PABPC1: variants seen among roughly 807,000 people sequenced by gnomAD.
The protein encoded by PABPC1 is poly(A) binding protein cytoplasmic 1.
Under a neutral mutation model 74.0 loss-of-function variants are expected in PABPC1, and 4 were observed. The ratio of observed to expected loss-of-function variants is 0.05; its 90% CI spans 0.03 to 0.12. The LOEUF (loss-of-function observed/expected upper bound fraction) is 0.12. Among genes scored for constraint, PABPC1 ranks in the 10% least tolerant of loss-of-function variants. The pLI, the probability that PABPC1 is intolerant of heterozygous loss-of-function variation, is 1.00. For missense variants in PABPC1, 271 were observed against 821.1 expected, an observed-to-expected ratio of 0.33 and a Z score of 8.19; for synonymous variants, 227 against 264.1, an observed-to-expected ratio of 0.86 and a Z score of 1.36.
intron 4 of PABPC1, 74 bp from the exon 5 acceptor site, chr8:100,713,255 C>CAA (rs1810576824): frequency 1.0e-5 from 9 of 876,416 alleles, no homozygotes; most frequent in African/African-American, 8.7e-5. Context: ...TTTCAACATA[C>CAA]AAAGCCATGA....
At chr8:100,714,124 G>C (rs946487222) in intron 4 of PABPC1, among the ~76,000 whole-genome samples, 21 of 152,332 alleles carry the variant, frequency 1.4e-4, no homozygotes, top group African/African-American at 5.1e-4. Flanking sequence ...GGCCAAGGCA[G>C]ATTTTCTTCT....
chr8:100,713,302 C>T (rs1017040500), intron 4 of PABPC1, 121 bp from the exon 5 acceptor site: 9 of 536,398 alleles, frequency 1.7e-5, no homozygotes, highest in Non-Finnish European at 2.6e-5. Context: ...ACTCCTCCCT[C>T]CCAGCCTTCT....
intron 3 of PABPC1, among the ~76,000 whole-genome samples, chr8:100,716,412 GAAC>G (rs928552310): frequency 4.6e-5 from 7 of 151,962 alleles, no homozygotes; most frequent in African/African-American, 1.4e-4. Flanking sequence ...AATATAAAAA[GAAC>G]AACGATCACT....
At chr8:100,710,597 T>C (rs1173436133) in intron 7 of PABPC1, among the ~76,000 whole-genome samples, 3 of 152,166 alleles carry the variant, frequency 2.0e-5, no homozygotes, top group Non-Finnish European at 4.4e-5. Flanking sequence ...AATCTGAACA[T>C]AGAATGTAGA....
At chr8:100,712,265 C>G in intron 7 of PABPC1, 97 bp downstream of exon 7, 1 of 678,936 alleles carries the variant, frequency 1.5e-6, no homozygotes, top group Non-Finnish European at 2.5e-6. Flanking sequence ...AAGCAAACAC[C>G]TCTCTAGTGG....
At position 100,718,174 on chromosome 8, in the gene PABPC1, G is replaced by A. The variant is rs780041591; in HGVS notation, c.300C>T (p.Asn100=). ...DPSLRKSGVG[N]IFIKNLDKSI... Reference sequence around the variant, plus strand: ...ATTTGTCCAGATTTTTAATGAATATGTTGCCTACTCCACTTTTGCGAAGTG... The same window carrying A: ...ATTTGTCCAGATTTTTAATGAATATATTGCCTACTCCACTTTTGCGAAGTG... Residue 100 remains asparagine (N), a synonymous_variant, in exon 2 of 15, where the codon AAC becomes AAT. Coordinates refer to ENST00000318607, the MANE Select transcript of PABPC1 (RefSeq NM_002568.4). 6.2e-7 allele frequency: 1 copy of A among 1,614,076 alleles called. No homozygotes were observed. The highest frequency in any genetic ancestry group is 1.7e-5 in the Admixed American group (1 of 60,006).
rs369959528 is a variant in PABPC1, at chr8:100,715,450, A to C, written c.643+12T>G. The C allele has an allele frequency of 3.2e-6, 5 of 1,557,428 alleles. No homozygotes were observed. In the African/African-American group the frequency reaches 6.8e-5, roughly 21 times the overall value. On this transcript the variant is annotated intron_variant, in intron 4 of 14. Coordinates refer to ENST00000318607, the MANE Select transcript of PABPC1 (RefSeq NM_002568.4). ...GAGCTTTGTGTGTAAAAATTTAATTAAGACACATTACCAAACTTGCCAAAG... is the reference window on the plus strand; with the variant it reads ...GAGCTTTGTGTGTAAAAATTTAATTCAGACACATTACCAAACTTGCCAAAG...
chr8:100,707,745 G>C (rs551413194), intron 9 of PABPC1, among the ~76,000 whole-genome samples: 4 of 152,228 alleles, frequency 2.6e-5, no homozygotes, highest in African/African-American at 9.6e-5. Context: ...AGGTGGAGGA[G>C]CAGTCTTCTC....
intron 1 of PABPC1, among the ~76,000 whole-genome samples, chr8:100,719,388 GTT>G (rs34795139): frequency 9.8e-5 from 14 of 142,280 alleles, no homozygotes; most frequent in East Asian, 4.1e-4. Flanking sequence ...AGCTTCCCTA[GTT>G]TTTTTTTTTT....
intron 1 of PABPC1, among the ~76,000 whole-genome samples, chr8:100,720,629 T>C (rs1810796227): frequency 6.6e-6 from 1 of 152,256 alleles, no homozygotes; most frequent in Non-Finnish European, 1.5e-5. Context: ...AAAAATGGTC[T>C]AAGTTGCCTG....
At position 100,721,161 on chromosome 8, in the gene PABPC1, A is replaced by G. The variant is rs1810815784; in HGVS notation, c.193+230T>C. Among the ~76,000 whole-genome samples the G allele has an allele frequency of 6.6e-6, 1 of 152,076 alleles. No individual in the cohort carries two copies. Among genetic ancestry groups the G allele is most frequent in the Non-Finnish European group, 1.5e-5 (1 of 67,970 alleles). On this transcript the variant is annotated intron_variant, in intron 1 of 14. Coordinates refer to ENST00000318607, the MANE Select transcript of PABPC1 (RefSeq NM_002568.4). The surrounding 1 kb of genome is among the most constrained non-coding windows in gnomAD (Gnocchi z 7.4). ...AAGTTTGAGAGCGTCTGAGGCCGAGAAAATGGTCGCAAAGGAGGAAGTAGC... is the reference window on the plus strand; with the variant it reads ...AAGTTTGAGAGCGTCTGAGGCCGAGGAAATGGTCGCAAAGGAGGAAGTAGC...
intron 9 of PABPC1, chr8:100,707,316 G>A (rs963083388): frequency 2.2e-4 from 62 of 277,076 alleles, no homozygotes; most frequent in South Asian, 2.0e-3. Flanking sequence ...AGCTGGGCAC[G>A]GGGGACCACT....
Position 100,704,402 on chromosome 8 carries a change from GA to G in PABPC1, c.1819-13del. The G allele has an allele frequency of 6.2e-7, 1 of 1,600,886 alleles. No individual in the cohort carries two copies. The highest frequency in any genetic ancestry group is 8.6e-7 in the Non-Finnish European group (1 of 1,168,130). ...ACAGCTTCATCAACCTAAAAAAGGG[GA>G]AAACAGATAAACTGGTTCAGGAAAG... On this transcript the variant is annotated splice_polypyrimidine_tract_variant and intron_variant, in intron 13 of 14. Transcript: ENST00000318607.
intron 12 of PABPC1, 85 bp from the exon 13 acceptor site, chr8:100,705,141 G>A: frequency 9.4e-7 from 1 of 1,068,084 alleles, no homozygotes; most frequent in South Asian, 1.4e-5. Flanking sequence ...TGGGGTTTAA[G>A]AACCATACTT....
At chr8:100,719,354 A>C (rs1480534759) in intron 1 of PABPC1, among the ~76,000 whole-genome samples, 1 of 150,804 alleles carries the variant, frequency 6.6e-6, no homozygotes, top group Non-Finnish European at 1.5e-5. Context: ...CTGTTAGCTC[A>C]TTATCAATTG....
At chr8:100,710,832 C>A (rs547635062) in intron 7 of PABPC1, among the ~76,000 whole-genome samples, 1 of 151,870 alleles carries the variant, frequency 6.6e-6, no homozygotes, top group African/African-American at 2.4e-5. Flanking sequence ...ACTAAAAATA[C>A]AAAAATTAGC....
At chr8:100,713,012 G>T in intron 5 of PABPC1, 75 bp downstream of exon 5, 1 of 1,084,978 alleles carries the variant, frequency 9.2e-7, no homozygotes, top group Non-Finnish European at 1.4e-6. Flanking sequence ...ATAGCTATTA[G>T]TATGCACATA....
chr8:100,720,633 T>A (rs1173860674), intron 1 of PABPC1, among the ~76,000 whole-genome samples: 1 of 152,250 alleles, frequency 6.6e-6, no homozygotes, highest in South Asian at 2.1e-4. Context: ...ATGGTCTAAG[T>A]TGCCTGAGAA....
At chr8:100,713,559 T>A (rs941435310) in intron 4 of PABPC1, among the ~76,000 whole-genome samples, 1 of 152,182 alleles carries the variant, frequency 6.6e-6, no homozygotes, top group Non-Finnish European at 1.5e-5. Flanking sequence ...GCACAATGAA[T>A]AAGCTCACTT....
Sources: allele counts gnomAD v4.1 joint callset (sites outside exome capture counted in the v4.1 genomes callset), GRCh38; gene constraint gnomAD v4.1.1; non-coding constraint Gnocchi (gnomAD v3.1); transcripts MANE v1.5; gene names NCBI Gene and HGNC (gene_info 2026-07-23, HGNC 2026-07-21).